Variants in TULP4 observed in about 807,000 individuals in gnomAD.
TULP4 encodes the protein tubby-related protein 4.
TULP4 carries 16 observed loss-of-function variants against 129.0 expected under a neutral mutation model. The observed-to-expected ratio is 0.12, with a 90% CI of 0.08 to 0.19. The LOEUF is 0.19. Ranked by LOEUF, TULP4 falls within the 10% of genes least tolerant of loss-of-function variation. TULP4 has a pLI of 1.00. For missense variants in TULP4, 1,842 were observed against 2,059.1 expected, an observed-to-expected ratio of 0.89 and a Z score of 2.04; for synonymous variants, 998 against 854.0, an observed-to-expected ratio of 1.17 and a Z score of -2.94.
At chr6:158,304,215 G>T (rs980060919) in intron 1 of TULP4, among the ~76,000 whole-genome samples, 2 of 152,202 alleles carry the variant, frequency 1.3e-5, no homozygotes, top group East Asian at 1.9e-4. Flanking sequence ...AAGTTCTGGG[G>T]CTCCTTCTTT....
In TULP4 at chr6:158,502,905, C is replaced by T. The variant is rs755180125; in HGVS notation, c.3242C>T (p.Thr1081Ile). ...LSPPDSARDR[T>I]DYVNSAFTED... ...CCACCCGACAGCGCCCGCGACCGCACCGACTACGTCAACTCGGCCTTCACG... is the reference window on the plus strand; with the variant it reads ...CCACCCGACAGCGCCCGCGACCGCATCGACTACGTCAACTCGGCCTTCACG... The change falls in exon 13 of 14, where the codon ACC becomes ATC. Residue 1081 changes from threonine to isoleucine, a missense_variant. This residue lies in a region of TULP4 where 1,089 missense variants were observed against 987.1 expected (regional missense o/e 1.10). Coordinates refer to ENST00000367097, the MANE Select transcript of TULP4 (RefSeq NM_020245.5). 2.5e-6 allele frequency: 4 copies of T among 1,614,056 alleles called. No individual in the cohort carries two copies. Among genetic ancestry groups the T allele is most frequent in the South Asian group, 2.2e-5 (2 of 91,074 alleles).
At chr6:158,384,025 G>C (rs1045456896) in intron 1 of TULP4, among the ~76,000 whole-genome samples, 1 of 152,190 alleles carries the variant, frequency 6.6e-6, no homozygotes, top group Non-Finnish European at 1.5e-5. Flanking sequence ...GGCTAGAGGA[G>C]GTGAATCTAT....
chr6:158,332,179 AAAAAAAAAAAAAAAAAAAAAAATAT>A (rs1204156423), intron 1 of TULP4, among the ~76,000 whole-genome samples: 17 of 63,854 alleles, frequency 2.7e-4, no homozygotes, highest in African/African-American at 9.7e-4. Flanking sequence ...CAAAAAAAAA[AAAAAAAAAAAAAAAAAAAAAAATAT>A]ATATATATAT....
At chr6:158,254,430 A>G (rs1778209227) in intron 1 of TULP4, among the ~76,000 whole-genome samples, 1 of 152,186 alleles carries the variant, frequency 6.6e-6, no homozygotes, top group Non-Finnish European at 1.5e-5. Flanking sequence ...AGCGTGAGCC[A>G]CCACACCCAG....
At chr6:158,349,021 C>CAA (rs1780401892) in intron 1 of TULP4, among the ~76,000 whole-genome samples, 8 of 21,510 alleles carry the variant, frequency 3.7e-4, no homozygotes, top group Admixed American at 1.3e-3. Context: ...ACTTCCCAGA[C>CAA]GGGGCAGCCG....
At chr6:158,475,218 G>C (rs143629403) in intron 6 of TULP4, among the ~76,000 whole-genome samples, 1 of 152,328 alleles carries the variant, frequency 6.6e-6, no homozygotes, top group Non-Finnish European at 1.5e-5. Context: ...CCTCAGCATT[G>C]AGGGGGAGAA....
intron 1 of TULP4, among the ~76,000 whole-genome samples, chr6:158,306,339 G>A (rs964775185): frequency 1.3e-5 from 2 of 152,082 alleles, no homozygotes. Flanking sequence ...CAGATCACTT[G>A]GGCCCAGGAG....
At chr6:158,252,556 G>A (rs4313021) in intron 1 of TULP4, among the ~76,000 whole-genome samples, 59,598 of 151,536 alleles carry the variant, frequency 0.39, 12,123 homozygotes, top group Admixed American at 0.48. Context: ...TTGTATTTTC[G>A]GTAGAGACGA....
chr6:158,502,360 G>A lies in TULP4; in HGVS notation c.2697G>A (p.Glu899=), dbSNP rs558105465. The change falls in exon 13 of 14, where the codon GAG becomes GAA. Residue 899 remains glutamate, a synonymous_variant. Transcript: ENST00000367097. The part of the protein sequence containing the change: ...TTFDSSGNVE[E]VCRPRTRMLC... ...TCGACAGCAGTGGCAACGTGGAGGAGGTGTGCCGGCCCCGCACCCGGATGC... is the reference window on the plus strand; with the variant it reads ...TCGACAGCAGTGGCAACGTGGAGGAAGTGTGCCGGCCCCGCACCCGGATGC... 4 of 1,613,836 alleles carry A rather than the reference G, an allele frequency of 2.5e-6. No individual in the cohort carries two copies. Among genetic ancestry groups the A allele is most frequent in the African/African-American group, 1.3e-5 (1 of 74,986 alleles).
intron 8 of TULP4, among the ~76,000 whole-genome samples, chr6:158,483,421 C>T (rs559358004): frequency 2.0e-5 from 3 of 152,288 alleles, no homozygotes; most frequent in Admixed American, 2.0e-4. Context: ...CAGCCTTGAC[C>T]TCCCAGGTTC....
chr6:158,270,697 C>G (rs1778531888), intron 1 of TULP4, among the ~76,000 whole-genome samples: 1 of 152,208 alleles, frequency 6.6e-6, no homozygotes, highest in South Asian at 2.1e-4. Context: ...TTAAGCTTTT[C>G]TCAAGCTTTC....
intron 6 of TULP4, among the ~76,000 whole-genome samples, chr6:158,475,804 G>A (rs1035358034): frequency 2.0e-5 from 3 of 152,212 alleles, no homozygotes; most frequent in Admixed American, 6.5e-5. Flanking sequence ...TGCAGTTAGC[G>A]CCATTTGACT....
chr6:158,371,387 G>C (rs12191776), intron 1 of TULP4, among the ~76,000 whole-genome samples: 1 of 152,098 alleles, frequency 6.6e-6, no homozygotes, highest in South Asian at 2.1e-4. Flanking sequence ...CCTACTTCAG[G>C]AGCCAGTTCA....
chr6:158,367,522 C>T (rs1159761118), intron 1 of TULP4, among the ~76,000 whole-genome samples: 1 of 152,154 alleles, frequency 6.6e-6, no homozygotes, highest in Non-Finnish European at 1.5e-5. Flanking sequence ...ACTGGAAGTG[C>T]AGAATCTGTT....
upstream of TULP4, chr6:158,312,252 T>A: frequency 2.5e-6 from 1 of 397,048 alleles, no homozygotes; most frequent in Non-Finnish European, 4.4e-6. Context: ...GAAAATTAAT[T>A]TAAGAATCAG....
At chr6:158,445,969 A>T (rs889829668) in intron 3 of TULP4, among the ~76,000 whole-genome samples, 1 of 152,216 alleles carries the variant, frequency 6.6e-6, no homozygotes, top group East Asian at 1.9e-4. Context: ...GGGGAGCACT[A>T]GCACGGAGAA....
At chr6:158,260,819 CTTTTCT>C (rs138914995) in intron 1 of TULP4, among the ~76,000 whole-genome samples, 45,682 of 143,688 alleles carry the variant, frequency 0.32, 7,953 homozygotes, top group Admixed American at 0.44. Flanking sequence ...CTTTTCTTTT[CTTTTCT>C]TTTTTTTTTT....
intron 1 of TULP4, among the ~76,000 whole-genome samples, chr6:158,292,982 T>A (rs1778971391): frequency 6.6e-6 from 1 of 152,198 alleles, no homozygotes; most frequent in Non-Finnish European, 1.5e-5. Context: ...TGACTTTTGA[T>A]ACTGGTGAGC....
At chr6:158,350,202 A>G (rs931229764) in intron 1 of TULP4, among the ~76,000 whole-genome samples, 53 of 150,388 alleles carry the variant, frequency 3.5e-4, no homozygotes, top group Non-Finnish European at 1.2e-4. Flanking sequence ...CACTTCCTAG[A>G]CAGGGTGGGG....
Sources: gnomAD v4.1 joint callset for allele counts (sites outside exome capture counted in the v4.1 genomes callset) on GRCh38, gnomAD v4.1.1 for gene constraint, gnomAD v4.1.1 regional missense constraint, MANE v1.5 for transcripts, NCBI Gene and HGNC (gene_info 2026-07-23, HGNC 2026-07-21) for gene names.